Variants in ROBO2 observed in about 807,000 individuals in gnomAD.
ROBO2 encodes the protein roundabout guidance receptor 2.
In ROBO2, 53 loss-of-function variants were observed where a neutral mutation model predicts 160.8. The ratio of observed to expected loss-of-function variants is 0.33; its 90% CI spans 0.26 to 0.41. ROBO2 has a LOEUF of 0.41. Among genes scored for constraint, ROBO2 ranks in the 10% least tolerant of loss-of-function variants. The pLI is 1.00. For missense variants in ROBO2, 1,577 were observed against 1,722.4 expected (o/e 0.92, Z 1.49); for synonymous variants, 664 against 611.7 (o/e 1.09, Z -1.26).
At chr3:77,619,628 CATT>C (rs1340932311) in intron 22 of ROBO2, among the ~76,000 whole-genome samples, 1 of 152,134 alleles carries the variant, frequency 6.6e-6, no homozygotes, top group African/African-American at 2.4e-5. Context: ...GTCACACAGA[CATT>C]GTTGACTACC....
intron 2 of ROBO2, among the ~76,000 whole-genome samples, chr3:76,737,812 G>A (rs1336829929): frequency 4.0e-5 from 6 of 150,926 alleles, no homozygotes; most frequent in Non-Finnish European, 1.5e-5. Context: ...TGTTTAAGCA[G>A]ATCACTAACT....
At chr3:77,411,763 T>G (rs563128629) in intron 2 of ROBO2, among the ~76,000 whole-genome samples, 2 of 152,326 alleles carry the variant, frequency 1.3e-5, no homozygotes, top group Non-Finnish European at 2.9e-5. Flanking sequence ...TTAATCATAC[T>G]GGCTGTTTAT....
chr3:77,087,774 A>G (rs1039130592), intron 1 of ROBO2, among the ~76,000 whole-genome samples: 14 of 152,152 alleles, frequency 9.2e-5, no homozygotes, highest in Admixed American at 5.9e-4. Context: ...GTATACATGT[A>G]TATATACATA....
At chr3:76,977,895 G>A (rs977437719) in intron 2 of ROBO2, among the ~76,000 whole-genome samples, 2 of 152,130 alleles carry the variant, frequency 1.3e-5, no homozygotes, top group African/African-American at 4.8e-5. Context: ...ATGACAGAAT[G>A]AGTATGTGTA....
chr3:76,070,375 A>T (rs1011486256), intron 2 of ROBO2, among the ~76,000 whole-genome samples: 1 of 152,134 alleles, frequency 6.6e-6, no homozygotes, highest in African/African-American at 2.4e-5. Flanking sequence ...CATTGCAGAG[A>T]TGAAATGGAC....
chr3:76,090,571 A>T (rs1380335354), intron 2 of ROBO2, among the ~76,000 whole-genome samples: 1 of 152,242 alleles, frequency 6.6e-6, no homozygotes, highest in Non-Finnish European at 1.5e-5. Context: ...TTAGCAAGTT[A>T]TTCTATAGAT....
At chr3:77,067,014 T>TCA (rs1280274423) in intron 1 of ROBO2, among the ~76,000 whole-genome samples, 3 of 133,128 alleles carry the variant, frequency 2.3e-5, no homozygotes, top group East Asian at 5.0e-4. Context: ...TCACACACTC[T>TCA]CACACACACA....
chr3:75,930,544 A>G (rs528749967), intron 1 of ROBO2, among the ~76,000 whole-genome samples: 2 of 152,266 alleles, frequency 1.3e-5, no homozygotes, highest in African/African-American at 4.8e-5. Context: ...CTCTACACAC[A>G]TACTCTCTCT....
chr3:76,029,029 A>T (rs1443279648), intron 2 of ROBO2, among the ~76,000 whole-genome samples: 2 of 152,022 alleles, frequency 1.3e-5, no homozygotes, highest in Non-Finnish European at 2.9e-5. Flanking sequence ...TTAGTCATCC[A>T]ACTTGTGTAT....
At chr3:76,450,400 TTTTTTTCTTAA>T (rs1225735908) in intron 2 of ROBO2, among the ~76,000 whole-genome samples, 1 of 152,154 alleles carries the variant, frequency 6.6e-6, no homozygotes, top group Admixed American at 6.6e-5. Flanking sequence ...TCAAAACTTA[TTTTTTTCTTAA>T]CATGGTTTCT....
At chr3:77,564,966 C>G (rs766689217) in exon 12 of ROBO2, 5 of 1,613,332 alleles carry the variant, frequency 3.1e-6, no homozygotes, top group Non-Finnish European at 4.2e-6. Flanking sequence ...AATCAGTGAG[C>G]AACAGCTGGC....
intron 2 of ROBO2, among the ~76,000 whole-genome samples, chr3:77,110,986 G>A (rs1291084752): frequency 1.3e-5 from 2 of 152,058 alleles, no homozygotes; most frequent in Non-Finnish European, 2.9e-5. Flanking sequence ...GAACCATTGG[G>A]CCTGACTTAA....
intron 2 of ROBO2, among the ~76,000 whole-genome samples, chr3:77,235,883 T>C (rs747856129): frequency 6.6e-6 from 1 of 152,226 alleles, no homozygotes; most frequent in Non-Finnish European, 1.5e-5. Flanking sequence ...CATCCCACAC[T>C]GACGTGGTAC....
chr3:77,218,668 G>A (rs975747807), intron 2 of ROBO2, among the ~76,000 whole-genome samples: 4 of 152,036 alleles, frequency 2.6e-5, no homozygotes, highest in South Asian at 2.1e-4. Context: ...TACCGTGCCC[G>A]GCCTGAAATT....
At chr3:76,440,357 C>G (rs184410529) in intron 2 of ROBO2, among the ~76,000 whole-genome samples, 24 of 151,992 alleles carry the variant, frequency 1.6e-4, no homozygotes, top group African/African-American at 5.1e-4. Context: ...CCCATTAACT[C>G]GTCATTTACA....
intron 2 of ROBO2, among the ~76,000 whole-genome samples, chr3:75,966,509 T>G (rs2107321505): frequency 6.6e-6 from 1 of 151,838 alleles, no homozygotes; most frequent in Non-Finnish European, 1.5e-5. Flanking sequence ...GTTGTATGAT[T>G]AATAAAATAC....
At chr3:77,635,857 C>G (rs1360784646) in intron 24 of ROBO2, among the ~76,000 whole-genome samples, 1 of 152,130 alleles carries the variant, frequency 6.6e-6, no homozygotes, top group Admixed American at 6.6e-5. Context: ...TGTGACTGTA[C>G]CATAAGCTGG....
At chr3:76,351,942 T>G in intron 2 of ROBO2, among the ~76,000 whole-genome samples, 1 of 152,030 alleles carries the variant, frequency 6.6e-6, no homozygotes, top group East Asian at 1.9e-4. Flanking sequence ...GCTGTTCAAT[T>G]AATGTTAATA....
At chr3:76,317,240 T>G (rs935775960) in intron 2 of ROBO2, among the ~76,000 whole-genome samples, 5 of 152,238 alleles carry the variant, frequency 3.3e-5, no homozygotes, top group Non-Finnish European at 7.3e-5. Context: ...AATAGACTGG[T>G]AATACAATAT....
Sources: gnomAD v4.1 joint callset for allele counts (sites outside exome capture counted in the v4.1 genomes callset) on GRCh38, gnomAD v4.1.1 for gene constraint, MANE v1.5 for transcripts, NCBI Gene and HGNC (gene_info 2026-07-23, HGNC 2026-07-21) for gene names.